The following USP17L7 variants were observed in gnomAD, a reference collection of about 807,000 sequenced individuals.
The protein encoded by USP17L7 is inactive ubiquitin carboxyl-terminal hydrolase 17-like protein 7.
In USP17L7, 53 loss-of-function variants were observed where a neutral mutation model predicts 37.6. That is an observed-to-expected ratio of 1.41 (90% CI 1.13 to 1.77). The LOEUF is 1.77. USP17L7 is among the 40% of genes most tolerant of loss of function. The pLI, the probability that USP17L7 is intolerant of heterozygous loss-of-function variation, is 0.00. For missense variants in USP17L7, 914 were observed against 645.0 expected (o/e 1.42, Z -4.52); for synonymous variants, 330 against 251.0 (o/e 1.31, Z -2.98).
Position 12,132,614 on chromosome 8 carries a change from T to A in USP17L7, c.1396A>T (p.Ile466Phe), listed in dbSNP as rs757663451. The change falls in exon 1 of 1, where the codon ATT (isoleucine) becomes TTT (phenylalanine). Residue 466 changes from isoleucine to phenylalanine, a missense_variant. Ile to Phe is a conservative substitution (Grantham distance 21). Coordinates refer to ENST00000530447, the MANE Select transcript of USP17L7 (RefSeq NM_001256869.2). ...CCACACTTGTATTTTGATTGATGAATCACAAGTACGTTGGGAGGCAGGGTA... is the reference window on the plus strand; with the variant it reads ...CCACACTTGTATTTTGATTGATGAAACACAAGTACGTTGGGAGGCAGGGTA... ...EGTLPPNVLV[I>F]HQSKYKCGMK... is the part of the protein sequence containing the mutation. 37 of 1,531,446 alleles carry A rather than the reference T, an allele frequency of 2.4e-5. 3 individuals are homozygous for A. The highest frequency in any genetic ancestry group is 3.2e-5 in the Non-Finnish European group (36 of 1,128,474). 94.9% of individuals were successfully genotyped at this position (1,531,446 alleles called of 1,614,324 possible). A position where few individuals can be genotyped will look rare whatever the true frequency, so the allele number is the denominator to read the frequency against.
In USP17L7 at chr8:12,133,934, C is replaced by G; in HGVS notation, c.76G>C (p.Asp26His). Residue 26 changes from aspartate to histidine, a missense_variant, in exon 1 of 1, where the codon GAT becomes CAT. Asp to His is a moderately conservative substitution (Grantham distance 81). Coordinates refer to ENST00000530447, the MANE Select transcript of USP17L7 (RefSeq NM_001256869.2). ...CGCTGGATTTCAGCAAAAGCTGCAT[C>G]TAGCCGAGAAGATGTGAGTTTTGAA... ...HFSKLTSSRL[D>H]AAFAEIQRTS... The G allele has an allele frequency of 7.1e-7, 1 of 1,404,860 alleles. No individual in the cohort carries two copies. 87.0% of individuals were successfully genotyped at this position (1,404,860 alleles called of 1,614,324 possible).
rs1409787158 is a variant in USP17L7, at chr8:12,134,079, C to G, written c.-70G>C. ...GGTTGCAGCAAGACGCTATCTCTTC[C>G]GAGAGAGTCTTCAAATGACCAGCTC... On this transcript the variant is annotated 5_prime_UTR_variant, in exon 1 of 1. Transcript: ENST00000530447. 3.7e-6 allele frequency: 3 copies of G among 809,980 alleles called. No homozygotes were observed. Among genetic ancestry groups the G allele is most frequent in the Middle Eastern group, 3.6e-4 (1 of 2,782 alleles). 50.2% of individuals were successfully genotyped at this position (809,980 alleles called of 1,614,324 possible).
Position 12,133,390 on chromosome 8 carries a change from T to C in USP17L7, c.620A>G (p.Tyr207Cys), listed in dbSNP as rs540951599. 1.3e-5 allele frequency: 19 copies of C among 1,461,642 alleles called. 2 individuals are homozygous for C. The highest frequency in any genetic ancestry group is 5.2e-5 in the East Asian group (2 of 38,268). The allele number at this position is 1,461,642 out of a possible 1,614,324, so 90.5% of individuals were successfully genotyped here. ...FGAYWRSQIK[Y>C]LHCHGVSDTF... ...GTCTGAAACGCCGTGGCAGTGGAGA[T>C]ACTTGATTTGAGATCTCCAATACGC... The change falls in exon 1 of 1, where the codon TAT becomes TGT. Residue 207 changes from tyrosine to cysteine, a missense_variant. Tyr to Cys is a radical substitution (Grantham distance 194). Transcript: ENST00000530447.
In USP17L7 at chr8:12,132,458, T is replaced by G. The variant is rs754919341; in HGVS notation, c.1552A>C (p.Asn518His). The change falls in exon 1 of 1, where the codon AAT (asparagine) becomes CAT (histidine). Residue 518 changes from asparagine to histidine, a missense_variant. Physicochemically the swap from Asn to His is moderately conservative, Grantham distance 68. Transcript: ENST00000530447. ...AGAGATCTCTTGCTGTGTTTGTTAT[T>G]CCCTTTGGATCTCCTGGTGCTCCCT... The part of the protein sequence containing the change: ...LQGSTRRSKG[N>H]NKHSKRSLLV... 116 of 1,443,110 alleles carry G rather than the reference T, an allele frequency of 8.0e-5. 1 individual carries two copies. Among genetic ancestry groups the G allele is most frequent in the Admixed American group, 2.1e-4 (12 of 56,718 alleles). The allele number at this position is 1,443,110 out of a possible 1,614,324, so 89.4% of individuals were successfully genotyped here.
chr8:12,133,573 G>A lies in USP17L7; in HGVS notation c.437C>T (p.Ser146Leu), dbSNP rs1456634017. ...ATGGAAGCCAGCAGCCAATACCTGTGAGGGCTGGATGACATGGCCAGGACT... is the reference window on the plus strand; with the variant it reads ...ATGGAAGCCAGCAGCCAATACCTGTAAGGGCTGGATGACATGGCCAGGACT... ...LHSPGHVIQPSQVLAAGFHRG... is the reference protein window; with the variant it reads ...LHSPGHVIQPLQVLAAGFHRG... Residue 146 changes from serine (S) to leucine (L), a missense_variant, in exon 1 of 1, where the codon TCA (serine) becomes TTA (leucine). Physicochemically the swap from Ser to Leu is moderately radical, Grantham distance 145. Transcript: ENST00000530447. The A allele has an allele frequency of 2.2e-6, 3 of 1,373,002 alleles. No individual in the cohort carries two copies. The highest frequency in any genetic ancestry group is 3.0e-6 in the Non-Finnish European group (3 of 986,772). The allele number at this position is 1,373,002 out of a possible 1,614,324, so 85.1% of individuals were successfully genotyped here. A position where few individuals can be genotyped will look rare whatever the true frequency, so the allele number is the denominator to read the frequency against.
At position 12,133,781 on chromosome 8, in the gene USP17L7, C is replaced by A; in HGVS notation, c.229G>T (p.Ala77Ser). The change falls in exon 1 of 1, where the codon GCG becomes TCG. Residue 77 changes from alanine to serine, a missense_variant. By Grantham distance (99) the Ala-to-Ser change is moderately conservative. Transcript: ENST00000530447. ...ATCTTCTGGAGCCCAGCCCCCACCG[C>A]AGCAGGTCTCCTGCTACTCAGAGGA... ...KLPLSSRRPA[A>S]VGAGLQKIGN... The A allele has an allele frequency of 6.7e-7, 1 of 1,493,952 alleles. No homozygotes were observed. Among genetic ancestry groups the A allele is most frequent in the Admixed American group, 1.7e-5 (1 of 57,240 alleles). The allele number at this position is 1,493,952 out of a possible 1,614,324, so 92.5% of individuals were successfully genotyped here.
rs775043478 is a variant in USP17L7 at position 12,133,550 on chromosome 8, G to C, written c.460C>G (p.His154Asp). 1 of 1,427,438 alleles carries C rather than the reference G, an allele frequency of 7.0e-7. No individual in the cohort carries two copies. Among genetic ancestry groups the C allele is most frequent in the Non-Finnish European group, 9.6e-7 (1 of 1,036,626 alleles). The allele number at this position is 1,427,438 out of a possible 1,614,324, so 88.4% of individuals were successfully genotyped here. A position where few individuals can be genotyped will look rare whatever the true frequency, so the allele number is the denominator to read the frequency against. ...TGGGCATCCTCCTGCTCACCTCTAT[G>C]GAAGCCAGCAGCCAATACCTGTGAG... ...QPSQVLAAGF[H>D]RGEQEDAHEF... Residue 154 changes from histidine to aspartate, a missense_variant, in exon 1 of 1, where the codon CAT (histidine) becomes GAT (aspartate). Physicochemically the swap from His to Asp is moderately conservative, Grantham distance 81. Coordinates refer to ENST00000530447, the MANE Select transcript of USP17L7 (RefSeq NM_001256869.2).
Position 12,133,829 on chromosome 8 carries a change from G to A in USP17L7, c.181C>T (p.Gln61Ter), listed in dbSNP as rs762200588. 4 of 1,530,188 alleles carry A rather than the reference G, an allele frequency of 2.6e-6. No homozygotes were observed. The highest frequency in any genetic ancestry group is 4.8e-4 in the Middle Eastern group (2 of 4,140). 94.8% of individuals were successfully genotyped at this position (1,530,188 alleles called of 1,614,324 possible). A position where few individuals can be genotyped will look rare whatever the true frequency, so the allele number is the denominator to read the frequency against. ...GGAAGCTTCTCCCTGGGAGCAAGCT[G>A]TCTTGCCACAGGAGCCAAATCATCA... ...LCDDLAPVAR[Q>*]LAPREKLPLS... Residue 61 changes from glutamine to a stop codon, truncating the protein, a stop_gained, in exon 1 of 1, where the codon CAG becomes TAG. Transcript: ENST00000530447. LOFTEE classifies it high-confidence loss of function.
Position 12,132,692 on chromosome 8 carries a change from G to T in USP17L7, c.1318C>A (p.Pro440Thr), listed in dbSNP as rs779199706. The change falls in exon 1 of 1, where the codon CCC becomes ACC. Residue 440 changes from proline (P) to threonine (T), a missense_variant. Transcript: ENST00000530447. The stretch of plus-strand genomic sequence containing the variant: ...GGCTTCGTTTTGTTTTGCTCTTGGG[G>T]GAATTTCCAGTGGTCTAAGGTGCTT... ...QESTLDHWKF[P>T]QEQNKTKPEF... 15 of 1,544,244 alleles carry T rather than the reference G, an allele frequency of 9.7e-6. 2 individuals are homozygous for T. The South Asian group carries it at 1.7e-4, about 18-fold the overall frequency.
Position 12,132,477 on chromosome 8 carries a change from G to T in USP17L7, c.1533C>A (p.Ser511Arg). 1 of 1,444,420 alleles carries T rather than the reference G, an allele frequency of 6.9e-7. No individual in the cohort carries two copies. The highest frequency in any genetic ancestry group is 2.5e-4 in the Middle Eastern group (1 of 3,978). The allele number at this position is 1,444,420 out of a possible 1,614,324, so 89.5% of individuals were successfully genotyped here. Residue 511 changes from serine (S) to arginine (R), a missense_variant, in exon 1 of 1, where the codon AGC becomes AGA. Physicochemically the swap from Ser to Arg is moderately radical, Grantham distance 110 (BLOSUM62 -1). Coordinates refer to ENST00000530447, the MANE Select transcript of USP17L7 (RefSeq NM_001256869.2). ...NTGTLASLQGSTRRSKGNNKH... is the reference protein window; with the variant it reads ...NTGTLASLQGRTRRSKGNNKH... The stretch of plus-strand genomic sequence containing the variant: ...TGTTATTCCCTTTGGATCTCCTGGT[G>T]CTCCCTTGCAGAGAAGCGAGTGTGC...
chr8:12,133,000 G>C lies in USP17L7; in HGVS notation c.1010C>G (p.Ser337Cys). The stretch of plus-strand genomic sequence containing the variant: ...CTGGCCTTCTTGAGCTTTGACATAA[G>C]AGAAGTAATGTCCGTTGTGACAACT... ...GWSCHNGHYF[S>C]YVKAQEGQWY... Residue 337 changes from serine (S) to cysteine (C), a missense_variant, in exon 1 of 1, where the codon TCT (serine) becomes TGT (cysteine). By Grantham distance (112) the Ser-to-Cys change is moderately radical (BLOSUM62 -1). Coordinates refer to ENST00000530447, the MANE Select transcript of USP17L7 (RefSeq NM_001256869.2). The C allele has an allele frequency of 6.5e-7, 1 of 1,528,434 alleles. No homozygotes were observed. 94.7% of individuals were successfully genotyped at this position (1,528,434 alleles called of 1,614,324 possible). A position where few individuals can be genotyped will look rare whatever the true frequency, so the allele number is the denominator to read the frequency against.
rs1803067162 is a variant in USP17L7, at chr8:12,133,888, G to T, written c.122C>A (p.Ser41Ter). 2.0e-6 allele frequency: 3 copies of T among 1,499,322 alleles called. 1 individual carries two copies. The highest frequency in any genetic ancestry group is 2.7e-6 in the Non-Finnish European group (3 of 1,100,458). 92.9% of individuals were successfully genotyped at this position (1,499,322 alleles called of 1,614,324 possible). A position where few individuals can be genotyped will look rare whatever the true frequency, so the allele number is the denominator to read the frequency against. The change falls in exon 1 of 1, where the codon TCA (serine) becomes TAA (stop). Residue 41 changes from serine to a stop codon, truncating the protein, a stop_gained. Transcript: ENST00000530447. LOFTEE classifies it high-confidence loss of function. ...EIQRTSLSEK[S>*]PLSSETRFDL... Reference sequence around the variant, plus strand: ...GAAACGGGTCTCAGATGAGAGTGGTGACTTTTCAGAGAGAGAAGTCCGCTG... The same window carrying T: ...GAAACGGGTCTCAGATGAGAGTGGTTACTTTTCAGAGAGAGAAGTCCGCTG...
rs771999413 is a variant in USP17L7 at position 12,133,294 on chromosome 8, T to A, written c.716A>T (p.Gln239Leu). The A allele has an allele frequency of 1.3e-6, 2 of 1,517,340 alleles. 1 individual carries two copies. The highest frequency in any genetic ancestry group is 5.2e-5 in the East Asian group (2 of 38,748). 94.0% of individuals were successfully genotyped at this position (1,517,340 alleles called of 1,614,324 possible). A position where few individuals can be genotyped will look rare whatever the true frequency, so the allele number is the denominator to read the frequency against. The change falls in exon 1 of 1, where the codon CAG becomes CTG. Residue 239 changes from glutamine (Q) to leucine (L), a missense_variant. Gln to Leu is a moderately radical substitution (Grantham distance 113, BLOSUM62 -2). Transcript: ENST00000530447. ...AAQSVKQALE[Q>L]LVKPKELNGE... ...ATTGAGTTCTTTGGGCTTCACCAAC[T>A]GTTCCAAAGCTTGCTTGACACTCTG...
At position 12,132,821 on chromosome 8, in the gene USP17L7, C is replaced by T. The variant is rs1488447660; in HGVS notation, c.1189G>A (p.Glu397Lys). 2.6e-6 allele frequency: 4 copies of T among 1,521,340 alleles called. 1 individual carries two copies. The highest frequency in any genetic ancestry group is 3.5e-5 in the Admixed American group (2 of 57,162). The allele number at this position is 1,521,340 out of a possible 1,614,324, so 94.2% of individuals were successfully genotyped here. ...TGCGTTGCTGGCCTGTCTGTGTCTT[C>T]AGCACCAAGGGCTCTTGGTTCCCTG... is the stretch of plus-strand genomic sequence containing the variant. ...RGREPRALGA[E>K]DTDRPATQGE... Residue 397 changes from glutamate to lysine, a missense_variant, in exon 1 of 1, where the codon GAA (glutamate) becomes AAA (lysine). By Grantham distance (56) the Glu-to-Lys change is moderately conservative. Transcript: ENST00000530447.
chr8:12,133,203 T>G lies in USP17L7; in HGVS notation c.807A>C (p.Leu269Phe). The change falls in exon 1 of 1, where the codon TTA becomes TTC. Residue 269 changes from leucine (L) to phenylalanine (F), a missense_variant. Physicochemically the swap from Leu to Phe is conservative, Grantham distance 22. Transcript: ENST00000530447. Reference protein sequence around the residue: ...QKAPASKTLTLPTSAKVLILV... With the variant: ...QKAPASKTLTFPTSAKVLILV... ...GAATGAGGACCTTGGCAGAAGTGGG[T>G]AAAGTTAACGTCTTGGAGGCAGGCG... is the stretch of plus-strand genomic sequence containing the variant. The G allele has an allele frequency of 2.7e-6, 4 of 1,505,462 alleles. No homozygotes were observed. Among genetic ancestry groups the G allele is most frequent in the Non-Finnish European group, 3.6e-6 (4 of 1,106,566 alleles). 93.3% of individuals were successfully genotyped at this position (1,505,462 alleles called of 1,614,324 possible). A position where few individuals can be genotyped will look rare whatever the true frequency, so the allele number is the denominator to read the frequency against.
chr8:12,132,717 T>C lies in USP17L7; in HGVS notation c.1293A>G (p.Glu431=). The C allele has an allele frequency of 6.5e-7, 1 of 1,543,966 alleles. No homozygotes were observed. The highest frequency in any genetic ancestry group is 8.8e-7 in the Non-Finnish European group (1 of 1,138,338). The change falls in exon 1 of 1, where the codon GAA becomes GAG. Residue 431 remains glutamate (E), a synonymous_variant. Transcript: ENST00000530447. ...DEHLVERATQ[E]STLDHWKFPQ... Reference sequence around the variant, plus strand: ...GGAATTTCCAGTGGTCTAAGGTGCTTTCCTGAGTGGCTCTTTCCACCAAGT... The same window carrying C: ...GGAATTTCCAGTGGTCTAAGGTGCTCTCCTGAGTGGCTCTTTCCACCAAGT...
rs765568954 is a variant in USP17L7 at position 12,132,718 on chromosome 8, T to C, written c.1292A>G (p.Glu431Gly). 1.9e-5 allele frequency: 29 copies of C among 1,543,732 alleles called. 2 individuals are homozygous for C. The highest frequency in any genetic ancestry group is 5.2e-5 in the Admixed American group (3 of 57,308). The change falls in exon 1 of 1, where the codon GAA (glutamate) becomes GGA (glycine). Residue 431 changes from glutamate to glycine, a missense_variant. Transcript: ENST00000530447. The stretch of plus-strand genomic sequence containing the variant: ...GAATTTCCAGTGGTCTAAGGTGCTT[T>C]CCTGAGTGGCTCTTTCCACCAAGTG... ...DEHLVERATQ[E>G]STLDHWKFPQ...
rs78624849 is a variant in USP17L7, at chr8:12,132,524, C to G, written c.1486G>C (p.Asp496His). 1 of 1,502,844 alleles carries G rather than the reference C, an allele frequency of 6.7e-7. No individual in the cohort carries two copies. The highest frequency in any genetic ancestry group is 9.1e-7 in the Non-Finnish European group (1 of 1,103,786). 93.1% of individuals were successfully genotyped at this position (1,502,844 alleles called of 1,614,324 possible). A position where few individuals can be genotyped will look rare whatever the true frequency, so the allele number is the denominator to read the frequency against. The change falls in exon 1 of 1, where the codon GAT becomes CAT. Residue 496 changes from aspartate (D) to histidine (H), a missense_variant. Coordinates refer to ENST00000530447, the MANE Select transcript of USP17L7 (RefSeq NM_001256869.2). ...LLNLSSTKPT[D>H]QESMNTGTLA... is the part of the protein sequence containing the mutation. ...GTGCCAGTGTTCATGGACTCCTGAT[C>G]TGTCGGTTTCGTCGAAGAGAGGTTT...
In USP17L7 at chr8:12,133,316, T is replaced by C; in HGVS notation, c.694A>G (p.Ser232Gly). 6.6e-7 allele frequency: 1 copy of C among 1,513,408 alleles called. No individual in the cohort carries two copies. The highest frequency in any genetic ancestry group is 8.9e-7 in the Non-Finnish European group (1 of 1,118,176). 93.7% of individuals were successfully genotyped at this position (1,513,408 alleles called of 1,614,324 possible). The change falls in exon 1 of 1, where the codon AGT (serine) becomes GGT (glycine). Residue 232 changes from serine to glycine, a missense_variant. Ser to Gly is a moderately conservative substitution (Grantham distance 56). Transcript: ENST00000530447. ...AACTGTTCCAAAGCTTGCTTGACAC[T>C]CTGAGCTGCCTGGATATCCAGGGCG... ...DIALDIQAAQ[S>G]VKQALEQLVK...
Sources: gnomAD v4.1 joint callset for allele counts on GRCh38, gnomAD v4.1.1 for gene constraint, MANE v1.5 for transcripts, NCBI Gene and HGNC (gene_info 2026-07-23, HGNC 2026-07-21) for gene names.